CNTRL: variants seen among roughly 807,000 people sequenced by gnomAD.
The protein encoded by CNTRL is 110 kDa centrosomal protein.
A neutral mutation model predicts 303.7 loss-of-function variants in CNTRL; 233 were observed. That is an observed-to-expected ratio of 0.77 (90% CI 0.69 to 0.86). The LOEUF (loss-of-function observed/expected upper bound fraction) is 0.86, where lower values mean the gene tolerates loss of function less well. Among genes scored for constraint, CNTRL ranks in the 40% least tolerant of loss-of-function variants. CNTRL has a pLI of 0.00. For synonymous variants in CNTRL, 900 were observed against 922.2 expected, an observed-to-expected ratio of 0.98 and a Z score of 0.44; for missense variants, 2,524 against 2,650.6, an observed-to-expected ratio of 0.95 and a Z score of 1.05.
chr9:121,115,338 T>C (rs775577545), intron 11 of CNTRL, 138 bp downstream of exon 11: 1 of 506,120 alleles, frequency 2.0e-6, no homozygotes, highest in Non-Finnish European at 3.5e-6. Flanking sequence ...GAGTCAAATA[T>C]GGTTCTAGAA....
intron 14 of CNTRL, among the ~76,000 whole-genome samples, chr9:121,127,003 A>G (rs1352901428): frequency 6.6e-6 from 1 of 152,046 alleles, no homozygotes; most frequent in African/African-American, 2.4e-5. Flanking sequence ...TATTTTTAGT[A>G]GAGATGGGGT....
intron 16 of CNTRL, 63 bp downstream of exon 16, chr9:121,138,742 A>T: frequency 6.5e-7 from 1 of 1,548,496 alleles, no homozygotes; most frequent in Admixed American, 1.8e-5. Context: ...TGATATCTTT[A>T]GTCAGGCACT....
chr9:121,137,563 A>G (rs1373205392), intron 15 of CNTRL, among the ~76,000 whole-genome samples: 1 of 152,250 alleles, frequency 6.6e-6, no homozygotes, highest in East Asian at 1.9e-4. Context: ...GGTTTATTAT[A>G]GTAATTATGT....
chr9:121,108,236 A>AT (rs2049573552), intron 8 of CNTRL, among the ~76,000 whole-genome samples: 1 of 152,204 alleles, frequency 6.6e-6, no homozygotes, highest in South Asian at 2.1e-4. Flanking sequence ...TAAAAACAAC[A>AT]TTGTAGGTGA....
At chr9:121,168,367 C>T in intron 38 of CNTRL, 46 bp downstream of exon 38, 1 of 1,544,460 alleles carries the variant, frequency 6.5e-7, no homozygotes, top group Non-Finnish European at 8.9e-7. Flanking sequence ...TATGGATTGG[C>T]TCTGCTGGTT....
At chr9:121,138,986 G>C (rs192926871) in intron 16 of CNTRL, among the ~76,000 whole-genome samples, 173 of 152,296 alleles carry the variant, frequency 1.1e-3, no homozygotes, top group Non-Finnish European at 8.8e-5. Flanking sequence ...TCTAAAAGCA[G>C]ATTTGTCACC....
chr9:121,158,793 A>G, intron 30 of CNTRL, 62 bp from the exon 31 acceptor site: 1 of 1,439,744 alleles, frequency 6.9e-7, no homozygotes, highest in South Asian at 1.3e-5. Context: ...AATTATCTCC[A>G]GGTTAGCACT....
chr9:121,177,548 CGAGTT>C lies in CNTRL; in HGVS notation c.*363_*367del, dbSNP rs545821205. The C allele has an allele frequency of 1.5e-3, 362 of 236,452 alleles. 6 individuals carry two copies. The highest frequency in any genetic ancestry group is 4.2e-3 in the South Asian group (24 of 5,716). The allele number at this position is 236,452 out of a possible 1,614,324, so 14.6% of individuals were successfully genotyped here. A position where few individuals can be genotyped will look rare whatever the true frequency, so the allele number is the denominator to read the frequency against. Reference sequence around the variant, plus strand: ...TTAAGGCCCTCTTTATTTATAGTGTCGAGTTATTTTTGAATTTTGCTTAAAATCTA... The same window carrying C: ...TTAAGGCCCTCTTTATTTATAGTGTCATTTTTGAATTTTGCTTAAAATCTA... On this transcript the variant is annotated 3_prime_UTR_variant, in exon 44 of 44. Coordinates refer to ENST00000373855, the MANE Select transcript of CNTRL (RefSeq NM_007018.6).
At chr9:121,088,257 A>G in intron 2 of CNTRL, 39 bp from the exon 3 acceptor site, 1 of 987,472 alleles carries the variant, frequency 1.0e-6, no homozygotes, top group Non-Finnish European at 1.6e-6. Context: ...GATAACTCTT[A>G]AAAATTAATC....
At chr9:121,140,031 C>G (rs537865505) in intron 16 of CNTRL, among the ~76,000 whole-genome samples, 1 of 152,136 alleles carries the variant, frequency 6.6e-6, no homozygotes, top group East Asian at 1.9e-4. Flanking sequence ...TGTCAGAAAT[C>G]ATTTAGTTGC....
chr9:121,175,197 A>G lies in CNTRL; in HGVS notation c.6927A>G (p.Thr2309=). ...PSLSQLESSL[T]EDSQLGQNQE... is the part of the protein sequence containing the mutation. ...TGTCTCAGCTGGAGTCTTCCCTCAC[A>G]GAGGACTCTCAACTTGGACAAAATC... The change falls in exon 43 of 44, where the codon ACA becomes ACG. Residue 2309 remains threonine (T), a synonymous_variant. Coordinates refer to ENST00000373855, the MANE Select transcript of CNTRL (RefSeq NM_007018.6). 6.2e-7 allele frequency: 1 copy of G among 1,614,136 alleles called. No homozygotes were observed. The highest frequency in any genetic ancestry group is 8.5e-7 in the Non-Finnish European group (1 of 1,180,020).
At chr9:121,122,683 A>G (rs1016594422) in intron 12 of CNTRL, among the ~76,000 whole-genome samples, 2 of 152,144 alleles carry the variant, frequency 1.3e-5, no homozygotes, top group African/African-American at 4.8e-5. Context: ...AAGTCATTTG[A>G]TGGATCTGAA....
intron 34 of CNTRL, 158 bp downstream of exon 34, chr9:121,162,429 C>T (rs2052896351): frequency 4.6e-5 from 29 of 632,650 alleles, no homozygotes; most frequent in South Asian, 1.1e-4. Flanking sequence ...GGAGAATTTC[C>T]TTCTAGCTTT....
At chr9:121,090,552 C>T (rs909366827) in intron 4 of CNTRL, 147 bp downstream of exon 4, 1 of 728,662 alleles carries the variant, frequency 1.4e-6, no homozygotes, top group Admixed American at 3.1e-5. Context: ...AAGTATATGA[C>T]ATTTCCAAAT....
rs1329004414 is a variant in CNTRL, at chr9:121,162,142, A to T, written c.5294A>T (p.Lys1765Ile). Residue 1765 changes from lysine to isoleucine, a missense_variant, in exon 34 of 44, where the codon AAA becomes ATA. Physicochemically the swap from Lys to Ile is moderately radical, Grantham distance 102. Coordinates refer to ENST00000373855, the MANE Select transcript of CNTRL (RefSeq NM_007018.6). ...CAGAAGCAGCTCCTTGAGAGGGATA[A>T]ACGAGAAATAGAACGAATGACTGCT... is the stretch of plus-strand genomic sequence containing the variant. ...EWQKQLLERD[K>I]REIERMTAES... The T allele has an allele frequency of 6.2e-7, 1 of 1,614,210 alleles. No homozygotes were observed. The highest frequency in any genetic ancestry group is 2.2e-5 in the East Asian group (1 of 44,882).
chr9:121,107,721 C>T, intron 7 of CNTRL, 81 bp from the exon 8 acceptor site: 6 of 913,122 alleles, frequency 6.6e-6, no homozygotes, highest in Non-Finnish European at 9.5e-6. Context: ...AGACTTTTTT[C>T]ACTATTGTTT....
Position 121,162,087 on chromosome 9 carries a change from T to C in CNTRL, c.5239T>C (p.Ser1747Pro), listed in dbSNP as rs760680722. ...KLELENLQQISQQQKGEIEWQ... is the reference protein window; with the variant it reads ...KLELENLQQIPQQQKGEIEWQ... ...GGAGTTAGAGAATTTGCAGCAGATATCCCAGCAGCAGAAAGGGGAAATAGA... is the reference window on the plus strand; with the variant it reads ...GGAGTTAGAGAATTTGCAGCAGATACCCCAGCAGCAGAAAGGGGAAATAGA... The change falls in exon 34 of 44, where the codon TCC becomes CCC. Residue 1747 changes from serine to proline, a missense_variant. Physicochemically the swap from Ser to Pro is moderately conservative, Grantham distance 74 (BLOSUM62 -1). Transcript: ENST00000373855. 7 of 1,613,994 alleles carry C rather than the reference T, an allele frequency of 4.3e-6. No homozygotes were observed. In the Admixed American group the frequency reaches 5.0e-5, roughly 12 times the overall value.
At chr9:121,145,737 A>T (rs547644606) in intron 22 of CNTRL, among the ~76,000 whole-genome samples, 3 of 152,128 alleles carry the variant, frequency 2.0e-5, no homozygotes, top group East Asian at 3.9e-4. Flanking sequence ...TCTACTAAAA[A>T]ATACAAAAAT....
At chr9:121,112,422 A>C (rs1201354435) in intron 8 of CNTRL, 37 bp from the exon 9 acceptor site, 14 of 1,599,488 alleles carry the variant, frequency 8.8e-6, no homozygotes, top group African/African-American at 1.3e-5. Context: ...TAACTTACTG[A>C]TCCTGTATGT....
Sources: allele counts gnomAD v4.1 joint callset (sites outside exome capture counted in the v4.1 genomes callset), GRCh38; gene constraint gnomAD v4.1.1; transcripts MANE v1.5; gene names NCBI Gene and HGNC (gene_info 2026-07-23, HGNC 2026-07-21).